Variants in CDH13 observed in about 807,000 individuals in gnomAD.
The protein encoded by CDH13 is cadherin 13.
A neutral mutation model predicts 63.8 loss-of-function variants in CDH13; 24 were observed. That is an observed-to-expected ratio of 0.38 (90% CI 0.27 to 0.53). The LOEUF (loss-of-function observed/expected upper bound fraction) is 0.53, where lower values mean the gene tolerates loss of function less well. Among genes scored for constraint, CDH13 ranks in the 20% least tolerant of loss-of-function variants. CDH13 has a pLI of 0.85. For missense variants in CDH13, 1,049 were observed against 903.1 expected, an observed-to-expected ratio of 1.16 and a Z score of -2.07; for synonymous variants, 503 against 355.3, an observed-to-expected ratio of 1.42 and a Z score of -4.67.
chr16:83,474,032 C>G (rs886548587), intron 6 of CDH13, among the ~76,000 whole-genome samples: 1 of 152,136 alleles, frequency 6.6e-6, no homozygotes, highest in African/African-American at 2.4e-5. Flanking sequence ...TTTTGTGTGT[C>G]CCTCTGAGCC....
At chr16:83,301,194 G>A (rs1482582406) in intron 5 of CDH13, among the ~76,000 whole-genome samples, 2 of 151,694 alleles carry the variant, frequency 1.3e-5, no homozygotes, top group African/African-American at 2.4e-5. Context: ...ACCACGCCCG[G>A]CTAATTTTTT....
rs549771033 is a variant in CDH13, at chr16:83,183,466, A to G, written c.484-33879A>G. On this transcript the variant is annotated intron_variant, in intron 4 of 13. Coordinates refer to ENST00000567109, the MANE Select transcript of CDH13 (RefSeq NM_001257.5). ...TAATTAAATCTGTGAGTTATATGCT[A>G]CACATGGGAATTGGGTACGCACCAA... Among the ~76,000 whole-genome samples the G allele has an allele frequency of 5.3e-5, 8 of 152,358 alleles. No homozygotes were observed. In the South Asian group the frequency reaches 1.5e-3, roughly 28 times the overall value.
chr16:83,207,287 T>A (rs1021024516), intron 4 of CDH13, among the ~76,000 whole-genome samples: 1 of 152,190 alleles, frequency 6.6e-6, no homozygotes, highest in Non-Finnish European at 1.5e-5. Flanking sequence ...TCTGTCTCTA[T>A]TAATGTTACA....
intron 4 of CDH13, among the ~76,000 whole-genome samples, chr16:83,137,021 G>C (rs2036319052): frequency 6.6e-6 from 1 of 152,222 alleles, no homozygotes; most frequent in African/African-American, 2.4e-5. Context: ...ACTTCAGCAC[G>C]GCACTGGCCT....
At chr16:83,431,177 A>G (rs1392129208) in intron 6 of CDH13, among the ~76,000 whole-genome samples, 6 of 151,778 alleles carry the variant, frequency 4.0e-5, no homozygotes, top group Admixed American at 2.0e-4. Flanking sequence ...ATAGTATTCC[A>G]TGGTGTATAT....
intron 2 of CDH13, among the ~76,000 whole-genome samples, chr16:82,951,305 A>G (rs1361199700): frequency 6.6e-6 from 1 of 152,166 alleles, no homozygotes; most frequent in Non-Finnish European, 1.5e-5. Context: ...TCAAAGAAGA[A>G]GTGGCTTTTC....
At chr16:83,254,519 T>G (rs953982003) in intron 5 of CDH13, among the ~76,000 whole-genome samples, 5 of 152,208 alleles carry the variant, frequency 3.3e-5, no homozygotes, top group African/African-American at 1.2e-4. Context: ...TCTACCATAA[T>G]GACTCTATGG....
chr16:82,857,219 G>A (rs114735980), intron 1 of CDH13, among the ~76,000 whole-genome samples: 1 of 152,136 alleles, frequency 6.6e-6, no homozygotes, highest in Non-Finnish European at 1.5e-5. Flanking sequence ...CTAGAATTTC[G>A]AGTTCGTCTT....
At chr16:82,776,168 C>T (rs1300174318) in intron 1 of CDH13, among the ~76,000 whole-genome samples, 1 of 150,748 alleles carries the variant, frequency 6.6e-6, no homozygotes, top group Non-Finnish European at 1.5e-5. Flanking sequence ...CGTGATTGTG[C>T]CACTGCATTC....
At chr16:83,644,768 T>C (rs1156386693) in intron 8 of CDH13, among the ~76,000 whole-genome samples, 2 of 152,102 alleles carry the variant, frequency 1.3e-5, no homozygotes, top group Non-Finnish European at 2.9e-5. Context: ...CCCAGTGAAG[T>C]AGGATCCCAA....
chr16:83,500,225 TTTCTTCTCCTTCTTCTTCTTCTTCTTC>T (rs1222672072), intron 7 of CDH13, among the ~76,000 whole-genome samples: 2 of 31,538 alleles, frequency 6.3e-5, no homozygotes, highest in African/African-American at 2.3e-4. Context: ...CACTAGTTTC[TTTCTTCTCCTTCTTCTTCTTCTTCTTC>T]TTCTTCTTCT....
chr16:82,922,531 C>T (rs2042186876), intron 2 of CDH13, among the ~76,000 whole-genome samples: 1 of 152,094 alleles, frequency 6.6e-6, no homozygotes, highest in Non-Finnish European at 1.5e-5. Flanking sequence ...TGGCCTTGCC[C>T]CTCTTCTTGT....
At chr16:83,581,338 C>A (rs919937006) in intron 7 of CDH13, among the ~76,000 whole-genome samples, 1 of 152,158 alleles carries the variant, frequency 6.6e-6, no homozygotes, top group Non-Finnish European at 1.5e-5. Context: ...TCATCAAGAA[C>A]CAAGGGTGAC....
chr16:83,390,234 G>A (rs1027512082), intron 6 of CDH13, among the ~76,000 whole-genome samples: 3 of 152,126 alleles, frequency 2.0e-5, no homozygotes, highest in Admixed American at 2.0e-4. Flanking sequence ...TACATTATGG[G>A]GTCTGTGGCT....
chr16:82,798,635 G>C (rs2036702530), intron 1 of CDH13, among the ~76,000 whole-genome samples: 1 of 152,112 alleles, frequency 6.6e-6, no homozygotes, highest in Non-Finnish European at 1.5e-5. Context: ...TAGGATAGGG[G>C]TTACAAGCAC....
At chr16:83,217,312 C>A in intron 4 of CDH13, 33 bp from the exon 5 acceptor site, 2 of 1,611,300 alleles carry the variant, frequency 1.2e-6, no homozygotes, top group Non-Finnish European at 1.7e-6. Flanking sequence ...GTTTTCCAGG[C>A]AGTTTTAAAT....
chr16:82,840,292 G>T (rs2038950468), intron 1 of CDH13, among the ~76,000 whole-genome samples: 1 of 147,594 alleles, frequency 6.8e-6, no homozygotes, highest in African/African-American at 2.5e-5. Flanking sequence ...TTAGTCTGAG[G>T]AGACCAGCAT....
At chr16:82,860,485 G>A (rs2039900198) in intron 2 of CDH13, among the ~76,000 whole-genome samples, 2 of 151,418 alleles carry the variant, frequency 1.3e-5, no homozygotes, top group Admixed American at 6.6e-5. Flanking sequence ...AATGCTAAAT[G>A]GGACTAGGTT....
intron 7 of CDH13, among the ~76,000 whole-genome samples, chr16:83,595,596 T>A (rs1401310077): frequency 1.3e-5 from 2 of 152,218 alleles, no homozygotes; most frequent in African/African-American, 4.8e-5. Flanking sequence ...CTTTGAGCTA[T>A]ATAGTCATTT....
Sources: allele counts gnomAD v4.1 joint callset (sites outside exome capture counted in the v4.1 genomes callset), GRCh38; gene constraint gnomAD v4.1.1; transcripts MANE v1.5; gene names NCBI Gene and HGNC (gene_info 2026-07-23, HGNC 2026-07-21).